Variants in CACHD1 observed in about 807,000 individuals in gnomAD.
The protein encoded by CACHD1 is VWFA and cache domain-containing protein 1.
Under a neutral mutation model 138.7 loss-of-function variants are expected in CACHD1, and 71 were observed. The observed-to-expected ratio is 0.51, with a 90% CI of 0.42 to 0.62. The LOEUF is 0.62. Among genes scored for constraint, CACHD1 ranks in the 20% least tolerant of loss-of-function variants. CACHD1 has a pLI of 0.00. For synonymous variants in CACHD1, 578 were observed against 591.5 expected (o/e 0.98, Z 0.33); for missense variants, 1,389 against 1,625.3 (o/e 0.85, Z 2.50).
At chr1:64,622,015 A>C (rs954245684) in intron 4 of CACHD1, among the ~76,000 whole-genome samples, 1 of 152,184 alleles carries the variant, frequency 6.6e-6, no homozygotes, top group African/African-American at 2.4e-5. Flanking sequence ...TTCCCAGTCC[A>C]TTCTGATTTA....
intron 4 of CACHD1, among the ~76,000 whole-genome samples, chr1:64,605,685 G>A (rs568293137): frequency 9.8e-5 from 15 of 152,296 alleles, no homozygotes; most frequent in African/African-American, 3.1e-4. Context: ...ATGGTCCCCT[G>A]CCAAGACCAC....
chr1:64,511,421 A>G (rs143032932), intron 1 of CACHD1, among the ~76,000 whole-genome samples: 112 of 152,352 alleles, frequency 7.4e-4, no homozygotes, highest in African/African-American at 2.6e-3. Flanking sequence ...AAGAAAGACC[A>G]GAGAAAGGAG....
At chr1:64,599,993 G>A (rs905608465) in intron 3 of CACHD1, among the ~76,000 whole-genome samples, 4 of 152,078 alleles carry the variant, frequency 2.6e-5, no homozygotes, top group African/African-American at 9.7e-5. Flanking sequence ...ATGCAGAATC[G>A]TATGTGGTTT....
intron 4 of CACHD1, among the ~76,000 whole-genome samples, chr1:64,615,103 TA>T (rs777596884): frequency 1.7e-4 from 26 of 152,286 alleles, no homozygotes; most frequent in Middle Eastern, 3.4e-3. Context: ...CACCGCTCCG[TA>T]CTTTTGATCA....
intron 2 of CACHD1, among the ~76,000 whole-genome samples, chr1:64,575,566 TATTAA>T (rs1405628267): frequency 1.3e-5 from 2 of 152,228 alleles, no homozygotes; most frequent in African/African-American, 2.4e-5. Flanking sequence ...AAGGATCAAC[TATTAA>T]ATTCTTACCA....
intron 12 of CACHD1, 50 bp downstream of exon 12, chr1:64,654,853 T>C (rs768047360): frequency 1.1e-5 from 15 of 1,360,544 alleles, no homozygotes; most frequent in Admixed American, 3.4e-5. Flanking sequence ...GGTACAGTGC[T>C]CTTCTTCATG....
Position 64,664,580 on chromosome 1 carries a change from C to T in CACHD1, c.2177C>T (p.Thr726Ile), listed in dbSNP as rs762667650. 1 of 1,614,072 alleles carries T rather than the reference C, an allele frequency of 6.2e-7. No homozygotes were observed. The highest frequency in any genetic ancestry group is 1.3e-5 in the African/African-American group (1 of 74,940). The change falls in exon 15 of 27, where the codon ACT (threonine) becomes ATT (isoleucine). Residue 726 changes from threonine to isoleucine, a missense_variant. Thr to Ile is a moderately conservative substitution (Grantham distance 89, BLOSUM62 -1). Around this residue, in one of 5 missense-constraint regions of CACHD1, gnomAD observed 1,000 missense variants for 1,114.7 expected, o/e 0.90. Transcript: ENST00000651257. ...CAAATGGAAATGAGTAGCCTGAACA[C>T]TTACATTGTCCGCCGTTACATAGCA... Reference protein sequence around the residue: ...MTQMEMSSLNTYIVRRYIATP... With the variant: ...MTQMEMSSLNIYIVRRYIATP...
At chr1:64,547,851 C>T (rs4915982) in intron 1 of CACHD1, among the ~76,000 whole-genome samples, 15,726 of 152,168 alleles carry the variant, frequency 0.1, 2,183 homozygotes, top group African/African-American at 0.32. Flanking sequence ...GTGATAGCCC[C>T]GAACTATAAC....
intron 1 of CACHD1, 72 bp downstream of exon 1, chr1:64,471,014 C>G: frequency 6.9e-7 from 1 of 1,450,852 alleles, no homozygotes; most frequent in Non-Finnish European, 9.3e-7. Context: ...ACTCCCGGTA[C>G]AAGTCCCCTG....
intron 26 of CACHD1, among the ~76,000 whole-genome samples, chr1:64,684,759 G>A (rs1650309309): frequency 6.6e-6 from 1 of 152,122 alleles, no homozygotes; most frequent in African/African-American, 2.4e-5. Context: ...AATCCTGCAA[G>A]CTCCATTTAT....
chr1:64,575,790 C>G (rs1557501299), intron 2 of CACHD1, among the ~76,000 whole-genome samples: 1 of 152,160 alleles, frequency 6.6e-6, no homozygotes, highest in Non-Finnish European at 1.5e-5. Flanking sequence ...CCCACTATGC[C>G]TTTGCATTTT....
chr1:64,603,018 A>G, intron 4 of CACHD1, 106 bp downstream of exon 4: 4 of 582,274 alleles, frequency 6.9e-6, no homozygotes, highest in Non-Finnish European at 1.2e-5. Flanking sequence ...GAGAAGTATT[A>G]TATACTTAAG....
intron 26 of CACHD1, among the ~76,000 whole-genome samples, chr1:64,686,086 A>G (rs1349934912): frequency 6.6e-6 from 1 of 152,234 alleles, no homozygotes; most frequent in African/African-American, 2.4e-5. Flanking sequence ...GTGAGAGTTC[A>G]CTTTTATCTG....
chr1:64,676,928 G>A lies in CACHD1; in HGVS notation c.3009G>A (p.Val1003=). 1 of 1,613,862 alleles carries A rather than the reference G, an allele frequency of 6.2e-7. No individual in the cohort carries two copies. The change falls in exon 22 of 27, where the codon GTG becomes GTA. Residue 1003 remains valine (V), a synonymous_variant. Coordinates refer to ENST00000651257, the MANE Select transcript of CACHD1 (RefSeq NM_020925.4). ...NPSCEVHQEP[V]TYTAIDPGLQ... ...GCTGCGAGGTCCACCAGGAGCCGGTGACATACACAGCTATTGACCCTGGCC... is the reference window on the plus strand; with the variant it reads ...GCTGCGAGGTCCACCAGGAGCCGGTAACATACACAGCTATTGACCCTGGCC...
chr1:64,643,298 G>C (rs933462335), intron 8 of CACHD1, among the ~76,000 whole-genome samples: 1 of 152,032 alleles, frequency 6.6e-6, no homozygotes, highest in African/African-American at 2.4e-5. Flanking sequence ...TTTGGCCAGG[G>C]TGATTCTCTT....
chr1:64,605,614 G>A (rs963629262), intron 4 of CACHD1, among the ~76,000 whole-genome samples: 1 of 152,148 alleles, frequency 6.6e-6, no homozygotes, highest in African/African-American at 2.4e-5. Context: ...GACTGGGACA[G>A]TAGGAAAGGG....
chr1:64,618,504 A>G, intron 4 of CACHD1, among the ~76,000 whole-genome samples: 1 of 152,180 alleles, frequency 6.6e-6, no homozygotes, highest in East Asian at 1.9e-4. Context: ...TAAAAGCCTT[A>G]CCTGGTACAT....
Position 64,691,344 on chromosome 1 carries a change from A to C in CACHD1, c.3608A>C (p.Gln1203Pro), listed in dbSNP as rs910697989. 7 of 1,613,928 alleles carry C rather than the reference A, an allele frequency of 4.3e-6. No homozygotes were observed. Among genetic ancestry groups the C allele is most frequent in the Non-Finnish European group, 5.9e-6 (7 of 1,179,984 alleles). ...SDHGYSTMSPQEDSENPPCNN... is the reference protein window; with the variant it reads ...SDHGYSTMSPPEDSENPPCNN... ...CTAGGTTACAGCACCATGAGCCCAC[A>C]GGAGGACAGTGAAAATCCTCCATGC... The change falls in exon 27 of 27, where the codon CAG becomes CCG. Residue 1203 changes from glutamine (Q) to proline (P), a missense_variant. Physicochemically the swap from Gln to Pro is moderately conservative, Grantham distance 76 (BLOSUM62 -1). Transcript: ENST00000651257.
chr1:64,633,531 G>A (rs1648389561), intron 6 of CACHD1, among the ~76,000 whole-genome samples: 1 of 152,174 alleles, frequency 6.6e-6, no homozygotes, highest in Admixed American at 6.5e-5. Context: ...AGAAGGGAAA[G>A]CCGCTAGTGG....
Sources: gnomAD v4.1 joint callset for allele counts (sites outside exome capture counted in the v4.1 genomes callset) on GRCh38, gnomAD v4.1.1 for gene constraint, gnomAD v4.1.1 regional missense constraint, MANE v1.5 for transcripts, NCBI Gene and HGNC (gene_info 2026-07-23, HGNC 2026-07-21) for gene names.